Variants in BIRC7 observed in about 807,000 individuals in gnomAD.
BIRC7 encodes the protein baculoviral IAP repeat-containing protein 7.
In BIRC7, 26 loss-of-function variants were observed where a neutral mutation model predicts 33.2. The observed-to-expected ratio is 0.78, with a 90% CI of 0.57 to 1.09. BIRC7 has a LOEUF of 1.09. Ranked by LOEUF, BIRC7 falls within the 50% of genes least tolerant of loss-of-function variation. The pLI, the probability that BIRC7 is intolerant of heterozygous loss-of-function variation, is 0.00. For synonymous variants in BIRC7, 176 were observed against 171.0 expected (o/e 1.03, Z -0.23); for missense variants, 409 against 401.2 (o/e 1.02, Z -0.17).
intron 6 of BIRC7, among the ~76,000 whole-genome samples, 194 bp downstream of exon 6, chr20:63,239,804 C>T (rs1568697564): frequency 6.6e-6 from 1 of 152,228 alleles, no homozygotes; most frequent in Non-Finnish European, 1.5e-5. Context: ...GGGGCCTGGT[C>T]CTTCGGGCAC....
At position 63,237,887 on chromosome 20, in the gene BIRC7, T is replaced by A; in HGVS notation, c.350-16T>A. The A allele has an allele frequency of 1.3e-6, 2 of 1,581,854 alleles. No homozygotes were observed. Among genetic ancestry groups the A allele is most frequent in the Non-Finnish European group, 1.7e-6 (2 of 1,168,018 alleles). ...GGGTGGGACTTGGCTGGGGCCAGCA[T>A]CTCTCCGCACCCCAGGCCATCAGGA... On this transcript the variant is annotated splice_polypyrimidine_tract_variant and intron_variant, in intron 1 of 6. Transcript: ENST00000217169.
Position 63,236,400 on chromosome 20 carries a change from G to A in BIRC7, c.304G>A (p.Glu102Lys). 3 of 1,562,258 alleles carry A rather than the reference G, an allele frequency of 1.9e-6. No individual in the cohort carries two copies. The African/African-American group carries it at 4.0e-5, about 21-fold the overall frequency. The change falls in exon 1 of 7, where the codon GAG becomes AAG. Residue 102 changes from glutamate (E) to lysine (K), a missense_variant. Physicochemically the swap from Glu to Lys is moderately conservative, Grantham distance 56. Transcript: ENST00000217169. Reference sequence around the variant, plus strand: ...CTTCTATGACTGGCCGCTGACTGCTGAGGTGCCACCCGAGCTGCTGGCTGC... The same window carrying A: ...CTTCTATGACTGGCCGCTGACTGCTAAGGTGCCACCCGAGCTGCTGGCTGC... ...ASFYDWPLTAEVPPELLAAAG... is the reference protein window; with the variant it reads ...ASFYDWPLTAKVPPELLAAAG...
In BIRC7 at chr20:63,238,308, G is replaced by C. The variant is rs777290172; in HGVS notation, c.450-88G>C. ...GCACTGCAGGGTGGCGGGAGGAGGGGGCCCAACCCTGACCCCCGGGGATCC... is the reference window on the plus strand; with the variant it reads ...GCACTGCAGGGTGGCGGGAGGAGGGCGCCCAACCCTGACCCCCGGGGATCC... On this transcript the variant is annotated intron_variant, in intron 2 of 6. Coordinates refer to ENST00000217169, the MANE Select transcript of BIRC7 (RefSeq NM_139317.3). 4.6e-6 allele frequency: 7 copies of C among 1,510,716 alleles called. No individual in the cohort carries two copies. The African/African-American group carries it at 9.6e-5, about 21-fold the overall frequency. 93.6% of individuals were successfully genotyped at this position (1,510,716 alleles called of 1,614,324 possible).
Position 63,236,119 on chromosome 20 carries a change from A to C in BIRC7, c.23A>C (p.Lys8Thr). MGPKDSA[K>T]CLHRGPQPSH... ...TCCATGGGACCTAAAGACAGTGCCA[A>C]GTGCCTGCACCGTGGACCACAGCCG... The change falls in exon 1 of 7, where the codon AAG (lysine) becomes ACG (threonine). Residue 8 changes from lysine (K) to threonine (T), a missense_variant. Physicochemically the swap from Lys to Thr is moderately conservative, Grantham distance 78 (BLOSUM62 -1). Coordinates refer to ENST00000217169, the MANE Select transcript of BIRC7 (RefSeq NM_139317.3). 3 of 1,565,516 alleles carry C rather than the reference A, an allele frequency of 1.9e-6. No homozygotes were observed. The highest frequency in any genetic ancestry group is 2.6e-6 in the Non-Finnish European group (3 of 1,150,944).
In BIRC7 at chr20:63,239,460, C is replaced by CGTGCAAGGT; in HGVS notation, c.757_765dup (p.Lys253_Cys255dup). The CGTGCAAGGT allele has an allele frequency of 6.2e-7, 1 of 1,606,928 alleles. No homozygotes were observed. On this transcript the variant is annotated inframe_insertion, in exon 6 of 7. Transcript: ENST00000217169. Reference sequence around the variant, plus strand: ...CTGCGGCGGCTGCAGGAGGAGAGGACGTGCAAGGTGTGCCTGGACCGCGCC... The same window carrying CGTGCAAGGT: ...CTGCGGCGGCTGCAGGAGGAGAGGACGTGCAAGGTGTGCAAGGTGTGCCTGGACCGCGCC...
chr20:63,235,977 G>C lies in BIRC7; in HGVS notation c.-120G>C, dbSNP rs1224100591. On this transcript the variant is annotated 5_prime_UTR_variant, in exon 1 of 7. Transcript: ENST00000217169. The stretch of plus-strand genomic sequence containing the variant: ...TGGTGGCAGGCCTGTGCCTATCCCT[G>C]CTGTCCCCAGGGTGGGCCCCGGGGG... 1 of 1,276,686 alleles carries C rather than the reference G, an allele frequency of 7.8e-7. No individual in the cohort carries two copies. Among genetic ancestry groups the C allele is most frequent in the African/African-American group, 1.5e-5 (1 of 66,212 alleles). The allele number at this position is 1,276,686 out of a possible 1,614,324, so 79.1% of individuals were successfully genotyped here. A position where few individuals can be genotyped will look rare whatever the true frequency, so the allele number is the denominator to read the frequency against.
Position 63,239,172 on chromosome 20 carries a change from T to C in BIRC7, c.588T>C (p.Ser196=), listed in dbSNP as rs529195260. The part of the protein sequence containing the change: ...AAPVAPSVPA[S]GYPELPTPRR... ...CCTAACTGTCCACAGTCCCTGCCTC[T>C]GGGTACCCTGAGCTGCCCACACCCA... Residue 196 remains serine (S), a synonymous_variant, in exon 5 of 7, where the codon TCT becomes TCC. Coordinates refer to ENST00000217169, the MANE Select transcript of BIRC7 (RefSeq NM_139317.3). The C allele has an allele frequency of 2.5e-6, 4 of 1,612,714 alleles. No individual in the cohort carries two copies. Among genetic ancestry groups the C allele is most frequent in the South Asian group, 1.1e-5 (1 of 91,078 alleles).
chr20:63,239,481 G>C lies in BIRC7; in HGVS notation c.773G>C (p.Arg258Pro). 6.2e-7 allele frequency: 1 copy of C among 1,606,878 alleles called. No homozygotes were observed. The highest frequency in any genetic ancestry group is 2.2e-5 in the East Asian group (1 of 44,872). ...EERTCKVCLD[R>P]AVSIVFVPCG... The stretch of plus-strand genomic sequence containing the variant: ...AGGACGTGCAAGGTGTGCCTGGACC[G>C]CGCCGTGTCCATCGTCTTTGTGCCG... Residue 258 changes from arginine to proline, a missense_variant, in exon 6 of 7, where the codon CGC becomes CCC. Transcript: ENST00000217169.
chr20:63,236,866 C>A (rs999279318), intron 1 of BIRC7, among the ~76,000 whole-genome samples: 3 of 152,256 alleles, frequency 2.0e-5, no homozygotes. Context: ...CAGTGGTCAG[C>A]CAGAAGGTCC....
Position 63,239,529 on chromosome 20 carries a change from A to T in BIRC7, c.821A>T (p.Glu274Val). 1.9e-6 allele frequency: 3 copies of T among 1,605,020 alleles called. No homozygotes were observed. The highest frequency in any genetic ancestry group is 2.5e-6 in the Non-Finnish European group (3 of 1,179,760). Residue 274 changes from glutamate to valine, a missense_variant, in exon 6 of 7, where the codon GAG becomes GTG. By Grantham distance (121) the Glu-to-Val change is moderately radical. Transcript: ENST00000217169. ...FVPCGHLVCA[E>V]CAPGLQLCPI... ...CCGTGCGGCCACCTGGTCTGTGCTG[A>T]GTGTGCCCCCGGCCTGCAGCTGTGC... is the stretch of plus-strand genomic sequence containing the variant.
Position 63,236,017 on chromosome 20 carries a change from A to G in BIRC7, c.-80A>G. On this transcript the variant is annotated 5_prime_UTR_variant, in exon 1 of 7. Transcript: ENST00000217169. ...GGCCCCGGGGGTCAGGAGCTCCAGAAGGGCCAGCTGGGCATATTCTGAGAT... is the reference window on the plus strand; with the variant it reads ...GGCCCCGGGGGTCAGGAGCTCCAGAGGGGCCAGCTGGGCATATTCTGAGAT... The G allele has an allele frequency of 1.4e-6, 2 of 1,449,026 alleles. No homozygotes were observed. The highest frequency in any genetic ancestry group is 1.8e-6 in the Non-Finnish European group (2 of 1,088,498). The allele number at this position is 1,449,026 out of a possible 1,614,324, so 89.8% of individuals were successfully genotyped here. A position where few individuals can be genotyped will look rare whatever the true frequency, so the allele number is the denominator to read the frequency against.
In BIRC7 at chr20:63,236,886, A is replaced by G. The variant is rs567728201; in HGVS notation, c.349+441A>G. Among the ~76,000 whole-genome samples the G allele has an allele frequency of 4.6e-5, 7 of 152,352 alleles. No individual in the cohort carries two copies. In the East Asian group the frequency reaches 1.3e-3, roughly 29 times the overall value. ...GTCAGCCAGAAGGTCCTGGATGCTC[A>G]GCCTGTGGGGAATTTCTCCAGGCCC... On this transcript the variant is annotated intron_variant, in intron 1 of 6. Coordinates refer to ENST00000217169, the MANE Select transcript of BIRC7 (RefSeq NM_139317.3).
Position 63,239,659 on chromosome 20 carries a change from C to A in BIRC7, c.*5+49C>A, listed in dbSNP as rs556131250. 4.7e-4 allele frequency: 726 copies of A among 1,538,104 alleles called. 1 individual carries two copies. Among genetic ancestry groups the A allele is most frequent in the Middle Eastern group, 2.3e-3 (10 of 4,276 alleles). ...AGCCAGCCCTCCTGCGGAGGGGGCC[C>A]TGAGCCGGCTGTGCCCGGCCCTCCT... On this transcript the variant is annotated intron_variant, in intron 6 of 6. Coordinates refer to ENST00000217169, the MANE Select transcript of BIRC7 (RefSeq NM_139317.3).
rs1488853380 is a variant in BIRC7, at chr20:63,235,909, C to T, written c.-188C>T. On this transcript the variant is annotated 5_prime_UTR_variant, in exon 1 of 7. Transcript: ENST00000217169. Reference sequence around the variant, plus strand: ...ACCCCAGAGGCCACCCTGGCCACTTCCAGAAAGCTGTGGGCCCTGGGATAC... The same window carrying T: ...ACCCCAGAGGCCACCCTGGCCACTTTCAGAAAGCTGTGGGCCCTGGGATAC... 6 of 720,056 alleles carry T rather than the reference C, an allele frequency of 8.3e-6. No homozygotes were observed. Among genetic ancestry groups the T allele is most frequent in the Non-Finnish European group, 1.3e-5 (6 of 471,170 alleles). The allele number at this position is 720,056 out of a possible 1,614,324, so 44.6% of individuals were successfully genotyped here.
In BIRC7 at chr20:63,239,405, C is replaced by G. The variant is rs1192402840; in HGVS notation, c.697C>G (p.Pro233Ala). ...CCAGAGGGCGTGGTGGGTTCTTGAG[C>G]CCCCAGGAGCCAGGGATGTGGAGGC... ...EAQRAWWVLE[P>A]PGARDVEAQL... The change falls in exon 6 of 7, where the codon CCC becomes GCC. Residue 233 changes from proline to alanine, a missense_variant. Pro to Ala is a conservative substitution (Grantham distance 27). Transcript: ENST00000217169. The G allele has an allele frequency of 6.2e-7, 1 of 1,605,034 alleles. No homozygotes were observed. Among genetic ancestry groups the G allele is most frequent in the Admixed American group, 1.7e-5 (1 of 60,006 alleles).
intron 2 of BIRC7, 32 bp downstream of exon 2, chr20:63,238,034 G>C (rs761535307): frequency 6.5e-6 from 10 of 1,538,844 alleles, no homozygotes; most frequent in Non-Finnish European, 8.8e-6. Flanking sequence ...CCCCGGGTCT[G>C]ATCATGGGTA....
intron 2 of BIRC7, 189 bp downstream of exon 2, chr20:63,238,191 G>T: frequency 1.2e-6 from 1 of 840,462 alleles, no homozygotes; most frequent in Non-Finnish European, 1.9e-6. Context: ...TTTTCGGAAG[G>T]GCTGCTGGGG....
Position 63,238,843 on chromosome 20 carries a change from T to C in BIRC7, c.577+229T>C, listed in dbSNP as rs550941024. 1.9e-3 allele frequency: 1,247 copies of C among 655,976 alleles called. 6 individuals carry two copies. The highest frequency in any genetic ancestry group is 0.013 in the African/African-American group (708 of 54,904). The allele number at this position is 655,976 out of a possible 1,614,324, so 40.6% of individuals were successfully genotyped here. ...GCCCCATTCTGCTTCTCTCCCAGCTTACCCCTTGGGCACAGCCCATTGCCT... is the reference window on the plus strand; with the variant it reads ...GCCCCATTCTGCTTCTCTCCCAGCTCACCCCTTGGGCACAGCCCATTGCCT... On this transcript the variant is annotated intron_variant, in intron 4 of 6. Transcript: ENST00000217169.
rs758333416 is a variant in BIRC7, at chr20:63,239,569, C to A, written c.861C>A (p.Ala287=). 14 of 1,601,298 alleles carry A rather than the reference C, an allele frequency of 8.7e-6. No individual in the cohort carries two copies. Among genetic ancestry groups the A allele is most frequent in the Admixed American group, 8.3e-5 (5 of 59,922 alleles). ...PGLQLCPICR[A]PVRSRVRTFL... is the part of the protein sequence containing the mutation. ...TGCAGCTGTGCCCCATCTGCAGAGC[C>A]CCCGTCCGCAGCCGCGTGCGCACCT... The change falls in exon 6 of 7, where the codon GCC becomes GCA. Residue 287 remains alanine (A), a synonymous_variant. Coordinates refer to ENST00000217169, the MANE Select transcript of BIRC7 (RefSeq NM_139317.3).
Sources: allele counts gnomAD v4.1 joint callset (sites outside exome capture counted in the v4.1 genomes callset), GRCh38; gene constraint gnomAD v4.1.1; transcripts MANE v1.5; gene names NCBI Gene and HGNC (gene_info 2026-07-23, HGNC 2026-07-21).